SSX7: variants seen among roughly 807,000 people sequenced by gnomAD.
SSX7 encodes the protein SSX family member 7.
Under a neutral mutation model 14.7 loss-of-function variants are expected in SSX7, and 15 were observed. The observed-to-expected ratio is 1.02, with a 90% CI of 0.68 to 1.58. The LOEUF (loss-of-function observed/expected upper bound fraction) is 1.58, where lower values mean the gene tolerates loss of function less well. Ranked by LOEUF, SSX7 falls within the 40% of genes most tolerant of loss-of-function variation. The pLI is 0.00. For missense variants in SSX7, 178 were observed against 146.8 expected (o/e 1.21, Z -1.10); for synonymous variants, 46 against 50.6 (o/e 0.91, Z 0.38).
At chrX:52,649,179 C>A (rs1232874349) in intron 5 of SSX7, among the ~76,000 whole-genome samples, 4 of 111,181 alleles carry the variant, frequency 3.6e-5, no homozygotes, top group Non-Finnish European at 7.5e-5. Flanking sequence ...TGCAGGCAGG[C>A]GCTACCACGC....
chrX:52,648,233 G>T (rs1304924326), intron 6 of SSX7, 28 bp downstream of exon 6: 2 of 1,203,070 alleles, frequency 1.7e-6, no homozygotes, highest in South Asian at 1.8e-5. Flanking sequence ...GAAGCCAGAG[G>T]GTTTGTTCCC....
At chrX:52,646,918 A>T (rs1343740217) in intron 6 of SSX7, among the ~76,000 whole-genome samples, 1 of 112,634 alleles carries the variant, frequency 8.9e-6, no homozygotes, top group Non-Finnish European at 1.9e-5. Context: ...CAAGCTGTGA[A>T]TGCAAAGGAA....
At chrX:52,648,601 CT>C (rs1925327082) in intron 5 of SSX7, among the ~76,000 whole-genome samples, 1 of 111,684 alleles carries the variant, frequency 9.0e-6, no homozygotes, top group African/African-American at 3.3e-5. Context: ...GGCTAGAATG[CT>C]TATCTTCACA....
chrX:52,649,378 A>G (rs1297331634), intron 5 of SSX7, among the ~76,000 whole-genome samples: 3 of 111,989 alleles, frequency 2.7e-5, no homozygotes, highest in Non-Finnish European at 5.6e-5. Flanking sequence ...AGTGAACAAT[A>G]CATGTAAAAT....
chrX:52,646,803 C>T (rs1404965880), intron 6 of SSX7, among the ~76,000 whole-genome samples: 2 of 111,762 alleles, frequency 1.8e-5, no homozygotes, highest in African/African-American at 3.3e-5. Flanking sequence ...GGAAGAGTCG[C>T]GTGTCTCACA....
intron 3 of SSX7, among the ~76,000 whole-genome samples, chrX:52,652,587 C>T (rs781826604): frequency 2.9e-4 from 32 of 109,628 alleles, no homozygotes; most frequent in Non-Finnish European, 5.1e-4. Flanking sequence ...AAGGTAGGGA[C>T]GGTGTGGGGG....
At chrX:52,647,973 G>T (rs1556766530) in intron 6 of SSX7, among the ~76,000 whole-genome samples, 1 of 111,937 alleles carries the variant, frequency 8.9e-6, no homozygotes, top group Non-Finnish European at 1.9e-5. Context: ...TAAATTTAAT[G>T]TCTCCAAACA....
intron 7 of SSX7, among the ~76,000 whole-genome samples, chrX:52,645,188 G>T (rs782283364): frequency 2.8e-5 from 3 of 109,082 alleles, no homozygotes; most frequent in Non-Finnish European, 5.7e-5. Context: ...GGAGAATGGC[G>T]TGAACCCGTG....
chrX:52,653,807 C>T (rs782784590), intron 1 of SSX7, among the ~76,000 whole-genome samples: 1 of 110,386 alleles, frequency 9.1e-6, no homozygotes, highest in African/African-American at 3.3e-5. Flanking sequence ...ATGTACAGAC[C>T]CTTGTTGGGA....
Position 52,653,478 on chromosome X carries a change from C to G in SSX7, c.-6G>C, listed in dbSNP as rs369549324. On this transcript the variant is annotated 5_prime_UTR_variant, in exon 2 of 8. Coordinates refer to ENST00000298181, the MANE Select transcript of SSX7 (RefSeq NM_173358.2). ...AAGGCGTCGTCTCCGTTCATGGCAC[C>G]AGGAGCAGTCTGACCTGCAAGAGAA... 1.6e-5 allele frequency: 19 copies of G among 1,209,459 alleles called. 1 individual carries two copies. In the African/African-American group the frequency reaches 3.0e-4, roughly 19 times the overall value.
chrX:52,648,738 A>G (rs1200911669), intron 5 of SSX7, among the ~76,000 whole-genome samples: 3 of 112,178 alleles, frequency 2.7e-5, no homozygotes, highest in Non-Finnish European at 5.6e-5. Flanking sequence ...AAGAGCTTCT[A>G]TGAAATACAA....
chrX:52,649,997 T>G (rs1189310987), intron 5 of SSX7, among the ~76,000 whole-genome samples: 1 of 112,528 alleles, frequency 8.9e-6, no homozygotes, highest in Non-Finnish European at 1.9e-5. Context: ...CTCAGAGAAC[T>G]TAGAAGACTT....
rs185809981 is a variant in SSX7, at chrX:52,652,034, T to A, written c.280+218A>T. 3.9e-3 allele frequency among the ~76,000 whole-genome samples: 430 copies of A among 111,282 alleles called. 3 individuals carry two copies. Among genetic ancestry groups the A allele is most frequent in the African/African-American group, 0.013 (412 of 30,649 alleles). ...ATTCATGTTTGTATACATTTACCAT[T>A]TACTTATTATCTATAAAAATATATA... On this transcript the variant is annotated intron_variant, in intron 4 of 7. Coordinates refer to ENST00000298181, the MANE Select transcript of SSX7 (RefSeq NM_173358.2).
chrX:52,653,036 G>A (rs782276981), intron 2 of SSX7, 52 bp from the exon 3 acceptor site: 1 of 1,186,669 alleles, frequency 8.4e-7, no homozygotes, highest in Non-Finnish European at 1.1e-6. Flanking sequence ...AGACATGTCT[G>A]CCATTCAGCT....
intron 6 of SSX7, among the ~76,000 whole-genome samples, chrX:52,646,965 G>A: frequency 8.9e-6 from 1 of 112,097 alleles, no homozygotes; most frequent in African/African-American, 3.2e-5. Flanking sequence ...TAATGCAAAG[G>A]GAAAGTCCTT....
In SSX7 at chrX:52,652,588, G is replaced by A. The variant is rs1380252251; in HGVS notation, c.185-241C>T. Among the ~76,000 whole-genome samples the A allele has an allele frequency of 6.4e-5, 7 of 110,076 alleles. 1 individual carries two copies. Among genetic ancestry groups the A allele is most frequent in the African/African-American group, 9.9e-5 (3 of 30,209 alleles). On this transcript the variant is annotated intron_variant, in intron 3 of 7. Coordinates refer to ENST00000298181, the MANE Select transcript of SSX7 (RefSeq NM_173358.2). Reference sequence around the variant, plus strand: ...AAGCCGAGAGAAGGAAGGTAGGGACGGTGTGGGGGTGCCGGGATGCCACAG... The same window carrying A: ...AAGCCGAGAGAAGGAAGGTAGGGACAGTGTGGGGGTGCCGGGATGCCACAG...
At chrX:52,650,746 C>T (rs1365340270) in intron 4 of SSX7, among the ~76,000 whole-genome samples, 27 of 112,216 alleles carry the variant, frequency 2.4e-4, no homozygotes, top group Middle Eastern at 9.3e-3. Flanking sequence ...AAAATCATTG[C>T]ACACTTCAAA....
At position 52,644,897 on chromosome X, in the gene SSX7, A is replaced by T. The variant is rs183492492; in HGVS notation, c.*5-227T>A. On this transcript the variant is annotated intron_variant, in intron 7 of 7. Coordinates refer to ENST00000298181, the MANE Select transcript of SSX7 (RefSeq NM_173358.2). ...GGCTAGAGGAAGGTGTGGCCCACAT[A>T]CAGGGCTGATCTGGAGTTCGGGAAC... is the stretch of plus-strand genomic sequence containing the variant. 7.6e-3 allele frequency among the ~76,000 whole-genome samples: 842 copies of T among 110,994 alleles called. 6 individuals carry two copies. The highest frequency in any genetic ancestry group is 0.026 in the African/African-American group (801 of 30,551).
In SSX7 at chrX:52,644,665, C is replaced by A; in HGVS notation, c.*10G>T. On this transcript the variant is annotated 3_prime_UTR_variant, in exon 8 of 8. Coordinates refer to ENST00000298181, the MANE Select transcript of SSX7 (RefSeq NM_173358.2). ...CTCATCATGGGCATATGTCGTATCC[C>A]CGAGGCTGAGGCAAGAAGAGAGAAG... 8.4e-7 allele frequency: 1 copy of A among 1,196,268 alleles called. No homozygotes were observed. The highest frequency in any genetic ancestry group is 1.1e-6 in the Non-Finnish European group (1 of 894,084).
Sources: gnomAD v4.1 joint callset for allele counts (sites outside exome capture counted in the v4.1 genomes callset) on GRCh38, gnomAD v4.1.1 for gene constraint, MANE v1.5 for transcripts, NCBI Gene and HGNC (gene_info 2026-07-23, HGNC 2026-07-21) for gene names.